GBP7: variants seen among roughly 807,000 people sequenced by gnomAD.
GBP7 encodes guanylate binding protein 7, also known as guanylate-binding protein 7.
GBP7 carries 43 observed loss-of-function variants against 61.3 expected under a neutral mutation model. The observed-to-expected ratio is 0.70, with a 90% confidence interval of 0.55 to 0.91. The LOEUF is 0.91. GBP7 is among the 40% of genes least tolerant of loss of function. The pLI is 0.00. For missense variants in GBP7, 717 were observed against 740.5 expected (o/e 0.97, Z 0.37); for synonymous variants, 267 against 271.0 (o/e 0.99, Z 0.14).
chr1:89,149,471 C>G lies in GBP7; in HGVS notation c.973G>C (p.Ala325Pro). ...MAVLAQCENS[A>P]AVQRAANHYS... The stretch of plus-strand genomic sequence containing the variant: ...TGGTTGGCTGCCCTCTGCACGGCTG[C>G]TGAGTTCTCACACTGGGCCAGAACT... The change falls in exon 7 of 11, where the codon GCA (alanine) becomes CCA (proline). Residue 325 changes from alanine (A) to proline (P), a missense_variant. Coordinates refer to ENST00000294671, the MANE Select transcript of GBP7 (RefSeq NM_207398.3). 6.2e-7 allele frequency: 1 copy of G among 1,614,158 alleles called. No individual in the cohort carries two copies. The highest frequency in any genetic ancestry group is 8.5e-7 in the Non-Finnish European group (1 of 1,180,016).
At chr1:89,144,505 G>T (rs1175735362) in intron 8 of GBP7, among the ~76,000 whole-genome samples, 1 of 152,154 alleles carries the variant, frequency 6.6e-6, no homozygotes, top group East Asian at 1.9e-4. Context: ...CACTAGCAGT[G>T]TATAAGCGTT....
At position 89,133,298 on chromosome 1, in the gene GBP7, T is replaced by C. The variant is rs369457817; in HGVS notation, c.1622A>G (p.Tyr541Cys). ...CAACATCTTTCTCAGTTCTCTCATA[T>C]AGTTTTCCCTTTCCCTCTCCATCTT... The part of the protein sequence containing the change: ...KKKMEREREN[Y>C]MRELRKMLSH... The change falls in exon 10 of 11, where the codon TAT becomes TGT. Residue 541 changes from tyrosine (Y) to cysteine (C), a missense_variant. Transcript: ENST00000294671. The C allele has an allele frequency of 1.7e-5, 23 of 1,328,102 alleles. No homozygotes were observed. Among genetic ancestry groups the C allele is most frequent in the East Asian group, 2.3e-5 (1 of 43,422 alleles). The allele number at this position is 1,328,102 out of a possible 1,614,324, so 82.3% of individuals were successfully genotyped here. A position where few individuals can be genotyped will look rare whatever the true frequency, so the allele number is the denominator to read the frequency against.
chr1:89,133,173 T>G, intron 10 of GBP7, 85 bp downstream of exon 10: 7 of 934,894 alleles, frequency 7.5e-6, no homozygotes, highest in Admixed American at 2.2e-5. Flanking sequence ...TTCTGAAATC[T>G]TGACTGAGCT....
intron 9 of GBP7, 60 bp downstream of exon 9, chr1:89,141,486 A>C: frequency 6.9e-7 from 1 of 1,442,782 alleles, no homozygotes; most frequent in South Asian, 1.2e-5. Context: ...TTTTCTGAAC[A>C]TCAAGAGAGT....
At chr1:89,132,531 G>T (rs942441) in intron 10 of GBP7, 128 bp from the exon 11 acceptor site, 698,525 of 699,186 alleles carry the variant, frequency 1, 348,935 homozygotes, top group Middle Eastern at 1. Flanking sequence ...TTGATGAGTT[G>T]GTCTGACATT....
At chr1:89,174,056 C>T (rs2100664866) in intron 1 of GBP7, among the ~76,000 whole-genome samples, 1 of 152,328 alleles carries the variant, frequency 6.6e-6, no homozygotes, top group East Asian at 1.9e-4. Flanking sequence ...AATCCCTCCA[C>T]ATCTGTTCAT....
At chr1:89,144,606 A>G (rs1233565680) in intron 8 of GBP7, among the ~76,000 whole-genome samples, 1 of 152,122 alleles carries the variant, frequency 6.6e-6, no homozygotes, top group East Asian at 1.9e-4. Context: ...AGTTTTTTGA[A>G]GTTGATTGAT....
rs760900324 is a variant in GBP7, at chr1:89,150,593, A to C, written c.626-18T>G. ...ATTCTTGCCTGCAGAATTAGTGAAAAAGTGACTACTGAAGAACAGGTTTTA... is the reference window on the plus strand; with the variant it reads ...ATTCTTGCCTGCAGAATTAGTGAAACAGTGACTACTGAAGAACAGGTTTTA... On this transcript the variant is annotated intron_variant, in intron 5 of 10. Coordinates refer to ENST00000294671, the MANE Select transcript of GBP7 (RefSeq NM_207398.3). The C allele has an allele frequency of 6.2e-7, 1 of 1,612,164 alleles. No individual in the cohort carries two copies.
At chr1:89,171,655 CACTA>C in intron 2 of GBP7, 87 bp downstream of exon 2, 1 of 1,172,682 alleles carries the variant, frequency 8.5e-7, no homozygotes, top group Non-Finnish European at 1.2e-6. Context: ...TTATCCCCAA[CACTA>C]ACTTTCTCTC....
chr1:89,141,205 G>GAAAA (rs530178959), intron 9 of GBP7, among the ~76,000 whole-genome samples: 1 of 130,602 alleles, frequency 7.7e-6, no homozygotes, highest in African/African-American at 2.7e-5. Flanking sequence ...ATAAAAGTTG[G>GAAAA]AAAGAAAAAA....
intron 3 of GBP7, among the ~76,000 whole-genome samples, chr1:89,154,271 C>A (rs1682265428): frequency 6.6e-6 from 1 of 152,158 alleles, no homozygotes; most frequent in South Asian, 2.1e-4. Flanking sequence ...AACTTTAGTA[C>A]TGTATGTTTA....
intron 3 of GBP7, 141 bp from the exon 4 acceptor site, chr1:89,152,918 A>G: frequency 1.9e-6 from 1 of 527,062 alleles, no homozygotes; most frequent in Non-Finnish European, 3.2e-6. Flanking sequence ...CACAAATGTA[A>G]GCTTTATATG....
rs189553984 is a variant in GBP7, at chr1:89,167,338, A to T, written c.191-2480T>A. Among the ~76,000 whole-genome samples the T allele has an allele frequency of 2.6e-5, 4 of 152,316 alleles. No homozygotes were observed. The East Asian group carries it at 7.7e-4, about 29-fold the overall frequency. On this transcript the variant is annotated intron_variant, in intron 2 of 10. Transcript: ENST00000294671. ...AAGGTCACCTCAATAAAAGGCCTTGAATCCCTTCTTAGCCTAAAAACAACT... is the reference window on the plus strand; with the variant it reads ...AAGGTCACCTCAATAAAAGGCCTTGTATCCCTTCTTAGCCTAAAAACAACT...
chr1:89,134,751 G>A (rs1195853682), intron 9 of GBP7, among the ~76,000 whole-genome samples: 1 of 152,168 alleles, frequency 6.6e-6, no homozygotes, highest in Non-Finnish European at 1.5e-5. Flanking sequence ...AGATGAGAAA[G>A]AAACAGGGAC....
intron 3 of GBP7, among the ~76,000 whole-genome samples, chr1:89,163,519 T>G (rs1647334075): frequency 6.6e-6 from 1 of 152,156 alleles, no homozygotes; most frequent in Non-Finnish European, 1.5e-5. Flanking sequence ...GTCAACAAAT[T>G]TGTCCATTTT....
rs1365994829 is a variant in GBP7, at chr1:89,150,456, C to G, written c.745G>C (p.Val249Leu). The change falls in exon 6 of 11, where the codon GTT becomes CTT. Residue 249 changes from valine (V) to leucine (L), a missense_variant. Coordinates refer to ENST00000294671, the MANE Select transcript of GBP7 (RefSeq NM_207398.3). ...AGTTGGTCTTCTCGTACTTCTTCAA[C>G]ATGGAGTAAGAGTTTTTTGTCATTT... Reference protein sequence around the residue: ...PINDKKLLLHVEEVREDQLDS... With the variant: ...PINDKKLLLHLEEVREDQLDS... 1.2e-6 allele frequency: 2 copies of G among 1,614,060 alleles called. No homozygotes were observed. The highest frequency in any genetic ancestry group is 3.3e-5 in the Admixed American group (2 of 60,026).
At chr1:89,156,872 G>A (rs189669653) in intron 3 of GBP7, among the ~76,000 whole-genome samples, 108 of 150,974 alleles carry the variant, frequency 7.2e-4, no homozygotes, top group African/African-American at 2.5e-3. Flanking sequence ...AGACATCAGA[G>A]CTCTCCACCC....
intron 5 of GBP7, among the ~76,000 whole-genome samples, chr1:89,151,713 G>C (rs1274743663): frequency 6.6e-6 from 1 of 151,978 alleles, no homozygotes; most frequent in Non-Finnish European, 1.5e-5. Flanking sequence ...TAAAGGATTT[G>C]ACAGTCCTAC....
chr1:89,134,194 A>T (rs1347332207), intron 9 of GBP7, among the ~76,000 whole-genome samples: 1 of 152,150 alleles, frequency 6.6e-6, no homozygotes, highest in East Asian at 1.9e-4. Flanking sequence ...GCTTCAGCAG[A>T]TGGGCTCACA....
Sources: allele counts gnomAD v4.1 joint callset (sites outside exome capture counted in the v4.1 genomes callset), GRCh38; gene constraint gnomAD v4.1.1; transcripts MANE v1.5; gene names NCBI Gene and HGNC (gene_info 2026-07-23, HGNC 2026-07-21).